LPA: variants seen among roughly 807,000 people sequenced by gnomAD.
LPA encodes lipoprotein(a), also known as apolipoprotein(a).
Under a neutral mutation model 197.9 loss-of-function variants are expected in LPA, and 199 were observed. The ratio of observed to expected loss-of-function variants is 1.01; its 90% CI spans 0.90 to 1.13. LPA has a LOEUF of 1.13. LPA is among the 50% of genes most tolerant of loss of function. The pLI, the probability that LPA is intolerant of heterozygous loss-of-function variation, is 0.00. For missense variants in LPA, 1,853 were observed against 1,785.8 expected, an observed-to-expected ratio of 1.04 and a Z score of -0.68; for synonymous variants, 715 against 639.5, an observed-to-expected ratio of 1.12 and a Z score of -1.78.
intron 16 of LPA, among the ~76,000 whole-genome samples, chr6:160,610,686 A>T (rs6923917): frequency 0.4 from 60,715 of 151,874 alleles, 12,492 homozygotes; most frequent in African/African-American, 0.49. Context: ...GGACCTAGAA[A>T]ATACCAGAGT....
chr6:160,585,460 C>G (rs919083141), intron 25 of LPA, among the ~76,000 whole-genome samples: 3 of 152,020 alleles, frequency 2.0e-5, no homozygotes, highest in African/African-American at 7.2e-5. Flanking sequence ...GATCAGAGTG[C>G]CTATACTTCA....
intron 37 of LPA, among the ~76,000 whole-genome samples, chr6:160,536,070 C>T (rs1307015890): frequency 6.6e-6 from 1 of 152,188 alleles, no homozygotes; most frequent in Non-Finnish European, 1.5e-5. Flanking sequence ...GTGATGGGTT[C>T]AGGGGCAGGA....
Position 160,594,123 on chromosome 6 carries a change from A to G in LPA, c.3470-6T>C, listed in dbSNP as rs769054975. 6.8e-6 allele frequency: 11 copies of G among 1,613,722 alleles called. No homozygotes were observed. The highest frequency in any genetic ancestry group is 1.3e-5 in the African/African-American group (1 of 74,904). Reference sequence around the variant, plus strand: ...GGGGCTTTGCTCCGTTGGTGCTGAAATTCAAAGAGGAGAAATCAAGCTGAG... The same window carrying G: ...GGGGCTTTGCTCCGTTGGTGCTGAAGTTCAAAGAGGAGAAATCAAGCTGAG... On this transcript the variant is annotated splice_region_variant and splice_polypyrimidine_tract_variant and intron_variant, in intron 21 of 38. Coordinates refer to ENST00000316300, the MANE Select transcript of LPA (RefSeq NM_005577.4).
chr6:160,609,502 G>A (rs1779434688), intron 16 of LPA, among the ~76,000 whole-genome samples: 1 of 152,048 alleles, frequency 6.6e-6, no homozygotes. Flanking sequence ...GAACTGTGAT[G>A]TAGAGAAGTG....
chr6:160,605,336 C>T, intron 17 of LPA, 131 bp from the exon 18 acceptor site: 1 of 1,136,580 alleles, frequency 8.8e-7, no homozygotes. Flanking sequence ...AAGTAACATT[C>T]TTGTTTCTTT....
At position 160,589,716 on chromosome 6, in the gene LPA, A is replaced by T; in HGVS notation, c.3788-4T>A. On this transcript the variant is annotated splice_region_variant and splice_polypyrimidine_tract_variant and intron_variant, in intron 23 of 38. Transcript: ENST00000316300. The stretch of plus-strand genomic sequence containing the variant: ...GTGGGGCTTTGCTCCGTTGGTGCTG[A>T]AATTCAAAGAGGAGAAAACAAACTG... 6.2e-7 allele frequency: 1 copy of T among 1,613,820 alleles called. No individual in the cohort carries two copies. Among genetic ancestry groups the T allele is most frequent in the Non-Finnish European group, 8.5e-7 (1 of 1,179,766 alleles).
chr6:160,604,616 T>A (rs1376951618), intron 18 of LPA, among the ~76,000 whole-genome samples: 1 of 152,142 alleles, frequency 6.6e-6, no homozygotes, highest in Non-Finnish European at 1.5e-5. Flanking sequence ...AGAGATAGAT[T>A]TGCCTCTCCA....
intron 29 of LPA, among the ~76,000 whole-genome samples, chr6:160,556,829 G>A (rs188435196): frequency 1.2e-4 from 19 of 152,158 alleles, no homozygotes; most frequent in Non-Finnish European, 1.3e-4. Flanking sequence ...TGAGAAGAAG[G>A]CACAAGAACA....
rs748449976 is a variant in LPA, at chr6:160,571,561, A to G, written c.4631+5575T>C. 1.2e-4 allele frequency among the ~76,000 whole-genome samples: 18 copies of G among 152,150 alleles called. 1 individual carries two copies. The highest frequency in any genetic ancestry group is 9.2e-4 in the Admixed American group (14 of 15,282). On this transcript the variant is annotated intron_variant, in intron 28 of 38. Transcript: ENST00000316300. ...ACTGGGGCTGCTGCCTTTCTTTCAG[A>G]GATGCCCTGCCCAGAGAGGAGGAAT...
intron 30 of LPA, among the ~76,000 whole-genome samples, chr6:160,550,500 T>A (rs1397131237): frequency 6.6e-6 from 1 of 152,214 alleles, no homozygotes; most frequent in South Asian, 2.1e-4. Context: ...AAGTATAGTA[T>A]ATGAGGGAGG....
intron 7 of LPA, 134 bp downstream of exon 7, chr6:160,634,989 T>A (rs1779781690): frequency 6.6e-7 from 1 of 1,504,446 alleles, no homozygotes; most frequent in Non-Finnish European, 9.1e-7. Context: ...ACACGGAGGC[T>A]TCCCCCAACA....
intron 28 of LPA, among the ~76,000 whole-genome samples, chr6:160,559,321 A>AT (rs1778323662): frequency 6.6e-6 from 1 of 152,228 alleles, no homozygotes; most frequent in African/African-American, 2.4e-5. Flanking sequence ...TCCTGAGTAT[A>AT]TTTTTGAGCT....
intron 20 of LPA, 134 bp from the exon 21 acceptor site, chr6:160,595,669 C>A: frequency 2.3e-6 from 3 of 1,277,776 alleles, no homozygotes; most frequent in Non-Finnish European, 3.3e-6. Context: ...CCATAATATG[C>A]ACAAATGGTC....
chr6:160,569,897 C>T (rs1235985636), intron 28 of LPA, among the ~76,000 whole-genome samples: 1 of 152,150 alleles, frequency 6.6e-6, no homozygotes, highest in Non-Finnish European at 1.5e-5. Flanking sequence ...CTCACCATCA[C>T]TGGCCATCAG....
intron 29 of LPA, 61 bp downstream of exon 29, chr6:160,557,329 T>C: frequency 6.3e-7 from 1 of 1,585,224 alleles, no homozygotes; most frequent in Non-Finnish European, 8.7e-7. Context: ...ATCAGTCAGA[T>C]TTTCCATCTC....
At position 160,635,543 on chromosome 6, in the gene LPA, G is replaced by A. The variant is rs1364023669; in HGVS notation, c.894-239C>T. The stretch of plus-strand genomic sequence containing the variant: ...AAATAAAAAATCTAAAGTAGCAAAC[G>A]CTTCTTAGAAACACTGAGATAACAC... On this transcript the variant is annotated intron_variant, in intron 6 of 38. Transcript: ENST00000316300. 1.6e-5 allele frequency among the ~76,000 whole-genome samples: 2 copies of A among 121,656 alleles called. 1 individual carries two copies. Among genetic ancestry groups the A allele is most frequent in the Non-Finnish European group, 3.5e-5 (2 of 57,322 alleles). 79.8% of individuals were successfully genotyped at this position (121,656 alleles called of 152,430 possible).
intron 18 of LPA, among the ~76,000 whole-genome samples, chr6:160,601,654 A>G (rs772017770): frequency 1.3e-5 from 2 of 152,366 alleles, no homozygotes; most frequent in Non-Finnish European, 2.9e-5. Flanking sequence ...TATGTTCAGC[A>G]TGTAAAACCA....
chr6:160,594,387 G>T (rs1050578958), intron 21 of LPA, among the ~76,000 whole-genome samples: 1 of 152,322 alleles, frequency 6.6e-6, no homozygotes, highest in Non-Finnish European at 1.5e-5. Context: ...TCATGTGCAT[G>T]CTCTTTAATA....
chr6:160,653,952 ATATATAATATATAT>A (rs1780053409), intron 1 of LPA, among the ~76,000 whole-genome samples: 7 of 32,040 alleles, frequency 2.2e-4, no homozygotes, highest in Non-Finnish European at 2.7e-4. Context: ...TATATATATT[ATATATAATATATAT>A]TATATATAAT....
Sources: gnomAD v4.1 joint callset for allele counts (sites outside exome capture counted in the v4.1 genomes callset) on GRCh38, gnomAD v4.1.1 for gene constraint, MANE v1.5 for transcripts, NCBI Gene and HGNC (gene_info 2026-07-23, HGNC 2026-07-21) for gene names.